The following SOX6 variants were observed in gnomAD, a reference collection of about 807,000 sequenced individuals.
SOX6 encodes SRY-box transcription factor 6, also known as transcription factor SOX-6.
SOX6 carries 11 observed loss-of-function variants against 97.8 expected under a neutral mutation model. The observed-to-expected ratio is 0.11, with a 90% CI of 0.07 to 0.19. The LOEUF (loss-of-function observed/expected upper bound fraction) is 0.19, where lower values mean the gene tolerates loss of function less well. SOX6 is among the 10% of genes least tolerant of loss of function. The pLI, the probability that SOX6 is intolerant of heterozygous loss-of-function variation, is 1.00. For missense variants in SOX6, 810 were observed against 1,039.5 expected (o/e 0.78, Z 3.04); for synonymous variants, 360 against 371.4 (o/e 0.97, Z 0.35).
intron 1 of SOX6, among the ~76,000 whole-genome samples, chr11:16,351,742 T>C (rs1174601952): frequency 1.3e-5 from 2 of 152,148 alleles, no homozygotes; most frequent in East Asian, 3.9e-4. Context: ...TTAACTACGA[T>C]CTACCCCTCT....
intron 1 of SOX6, among the ~76,000 whole-genome samples, chr11:16,440,784 A>C (rs1430292477): frequency 6.6e-6 from 1 of 152,190 alleles, no homozygotes; most frequent in Admixed American, 6.5e-5. Context: ...TGTAAGAAGT[A>C]AAACAGAAGA....
intron 9 of SOX6, among the ~76,000 whole-genome samples, chr11:16,088,831 T>C (rs1388394810): frequency 1.3e-5 from 2 of 152,214 alleles, no homozygotes; most frequent in African/African-American, 2.4e-5. Context: ...AAATGAGCAC[T>C]GTAGGCTTGC....
intron 6 of SOX6, among the ~76,000 whole-genome samples, chr11:16,155,486 T>C (rs1182858304): frequency 1.3e-5 from 2 of 152,148 alleles, no homozygotes; most frequent in Non-Finnish European, 1.5e-5. Flanking sequence ...GTTAATTAGA[T>C]TAGAATCTTG....
intron 4 of SOX6, among the ~76,000 whole-genome samples, chr11:16,554,847 TG>T (rs918083998): frequency 6.6e-6 from 1 of 152,004 alleles, no homozygotes; most frequent in African/African-American, 2.4e-5. Flanking sequence ...AAAAAACCTT[TG>T]TACCTGCCAA....
At chr11:16,731,309 G>A (rs1351545506) in intron 2 of SOX6, among the ~76,000 whole-genome samples, 3 of 152,040 alleles carry the variant, frequency 2.0e-5, no homozygotes, top group South Asian at 2.1e-4. Flanking sequence ...AAATTTTCAG[G>A]CCAATATCCC....
At chr11:16,544,974 A>G (rs1490420084) in intron 4 of SOX6, among the ~76,000 whole-genome samples, 1 of 152,116 alleles carries the variant, frequency 6.6e-6, no homozygotes, top group Non-Finnish European at 1.5e-5. Flanking sequence ...CTTTAATCTC[A>G]GCCTTTAGGA....
At chr11:15,998,823 CCT>C (rs1421157903) in intron 13 of SOX6, among the ~76,000 whole-genome samples, 4 of 152,108 alleles carry the variant, frequency 2.6e-5, no homozygotes, top group African/African-American at 9.6e-5. Context: ...CTATAACACT[CCT>C]CTAAATATAC....
At chr11:16,665,107 G>A (rs1360366179) in intron 3 of SOX6, among the ~76,000 whole-genome samples, 1 of 151,824 alleles carries the variant, frequency 6.6e-6, no homozygotes, top group Non-Finnish European at 1.5e-5. Flanking sequence ...GGCTTCAAGT[G>A]TGACACAGCA....
intron 1 of SOX6, among the ~76,000 whole-genome samples, chr11:16,365,049 C>A (rs1226146802): frequency 6.6e-6 from 1 of 152,092 alleles, no homozygotes; most frequent in South Asian, 2.1e-4. Context: ...GAGTATAGCA[C>A]AATAAGATAA....
chr11:16,426,454 C>T (rs1317329562), intron 1 of SOX6, among the ~76,000 whole-genome samples: 1 of 151,838 alleles, frequency 6.6e-6, no homozygotes, highest in Non-Finnish European at 1.5e-5. Context: ...GGCACAAAAA[C>T]AGACACATAG....
At chr11:16,273,551 G>T (rs1428581362) in intron 3 of SOX6, among the ~76,000 whole-genome samples, 1 of 151,840 alleles carries the variant, frequency 6.6e-6, no homozygotes, top group Non-Finnish European at 1.5e-5. Context: ...CCTCAGCTGA[G>T]TTCTCCCCCA....
intron 12 of SOX6, among the ~76,000 whole-genome samples, chr11:16,039,795 TTTTAATA>T: frequency 6.6e-6 from 1 of 152,098 alleles, no homozygotes; most frequent in African/African-American, 2.4e-5. Context: ...GATGTTTTAG[TTTTAATA>T]TTTAATAAGA....
rs566486408 is a variant in SOX6, at chr11:16,145,705, C to G, written c.778-33782G>C. ...AATCACAAGCATTCTCATACACCAA[C>G]AACAGACAAACAGAGAACCAAATCA... On this transcript the variant is annotated intron_variant, in intron 6 of 15. Transcript: ENST00000683767. Among the ~76,000 whole-genome samples the G allele has an allele frequency of 3.3e-5, 5 of 152,166 alleles. No individual in the cohort carries two copies. The South Asian group carries it at 6.2e-4, about 19-fold the overall frequency.
At chr11:16,729,183 A>G (rs1347975191) in intron 2 of SOX6, among the ~76,000 whole-genome samples, 3 of 152,252 alleles carry the variant, frequency 2.0e-5, no homozygotes, top group African/African-American at 7.2e-5. Context: ...GAACTTCCCC[A>G]ACCTAGCAAG....
chr11:16,017,119 T>G (rs1854908591), intron 12 of SOX6, among the ~76,000 whole-genome samples: 1 of 152,064 alleles, frequency 6.6e-6, no homozygotes, highest in Admixed American at 6.6e-5. Flanking sequence ...AAAGCTTACA[T>G]GATGATAATA....
intron 3 of SOX6, among the ~76,000 whole-genome samples, chr11:16,700,919 G>A (rs1347352826): frequency 6.6e-6 from 1 of 152,042 alleles, no homozygotes; most frequent in Non-Finnish European, 1.5e-5. Context: ...TCCTGCTAGG[G>A]CCATAAGGTA....
intron 4 of SOX6, among the ~76,000 whole-genome samples, chr11:16,550,230 A>T (rs1391019721): frequency 6.6e-6 from 1 of 151,516 alleles, no homozygotes; most frequent in Non-Finnish European, 1.5e-5. Context: ...AAAACCAAAC[A>T]CCCCATGTTC....
intron 1 of SOX6, among the ~76,000 whole-genome samples, chr11:16,362,242 G>C (rs1857227532): frequency 6.6e-6 from 1 of 152,080 alleles, no homozygotes; most frequent in African/African-American, 2.4e-5. Flanking sequence ...GGAATGACGG[G>C]TTTCATCTCT....
chr11:15,972,713 T>G lies in SOX6; in HGVS notation c.*96A>C. 2 of 1,296,686 alleles carry G rather than the reference T, an allele frequency of 1.5e-6. No individual in the cohort carries two copies. Among genetic ancestry groups the G allele is most frequent in the Non-Finnish European group, 2.2e-6 (2 of 897,234 alleles). The allele number at this position is 1,296,686 out of a possible 1,614,324, so 80.3% of individuals were successfully genotyped here. Reference sequence around the variant, plus strand: ...AATTAAGACCATTCTGCTGATGTAATTGTGGAGCCACAAATGCATGCGGGC... The same window carrying G: ...AATTAAGACCATTCTGCTGATGTAAGTGTGGAGCCACAAATGCATGCGGGC... On this transcript the variant is annotated 3_prime_UTR_variant, in exon 16 of 16. Transcript: ENST00000683767.
Sources: gnomAD v4.1 joint callset for allele counts (sites outside exome capture counted in the v4.1 genomes callset) on GRCh38, gnomAD v4.1.1 for gene constraint, MANE v1.5 for transcripts, NCBI Gene and HGNC (gene_info 2026-07-23, HGNC 2026-07-21) for gene names.